Variants in MEF2C observed in about 807,000 individuals in gnomAD.
MEF2C encodes myocyte-specific enhancer factor 2C.
Under a neutral mutation model 50.5 loss-of-function variants are expected in MEF2C, and 6 were observed. That is an observed-to-expected ratio of 0.12 (90% CI 0.07 to 0.23). The LOEUF (loss-of-function observed/expected upper bound fraction) is 0.23. MEF2C is among the 10% of genes least tolerant of loss of function. The probability of loss-of-function intolerance (pLI) is 1.00; values close to 1 mark genes in which losing one functional copy is unlikely to be tolerated. For synonymous variants in MEF2C, 183 were observed against 228.0 expected, an observed-to-expected ratio of 0.80 and a Z score of 1.78; for missense variants, 276 against 605.0, an observed-to-expected ratio of 0.46 and a Z score of 5.70.
intron 1 of MEF2C, among the ~76,000 whole-genome samples, chr5:88,875,912 T>C (rs1302429463): frequency 6.6e-6 from 1 of 151,918 alleles, no homozygotes; most frequent in Non-Finnish European, 1.5e-5. Context: ...TGCCAGTACC[T>C]GCCCTGCATA....
At position 88,749,367 on chromosome 5, in the gene MEF2C, TG is replaced by T. The variant is rs556809140; in HGVS notation, c.590-251del. On this transcript the variant is annotated intron_variant, in intron 5 of 10. Transcript: ENST00000504921. Reference sequence around the variant, plus strand: ...GTTACATTTAAAAAAATCCAGTCTTTGGTCTCTGCATTTTTATTATTTCTAA... The same window carrying T: ...GTTACATTTAAAAAAATCCAGTCTTTGTCTCTGCATTTTTATTATTTCTAA... 1.5e-4 allele frequency: 147 copies of T among 984,878 alleles called. No individual in the cohort carries two copies. The South Asian group carries it at 2.4e-3, about 16-fold the overall frequency. The allele number at this position is 984,878 out of a possible 1,614,324, so 61.0% of individuals were successfully genotyped here. A position where few individuals can be genotyped will look rare whatever the true frequency, so the allele number is the denominator to read the frequency against.
chr5:88,749,626 A>T (rs1337691810), intron 5 of MEF2C: 1 of 381,266 alleles, frequency 2.6e-6, no homozygotes, highest in Admixed American at 6.4e-5. Context: ...CCGGCCACAG[A>T]TTAAGAAACA....
intron 1 of MEF2C, among the ~76,000 whole-genome samples, chr5:88,872,184 T>G (rs1829727513): frequency 6.6e-6 from 1 of 152,024 alleles, no homozygotes; most frequent in Non-Finnish European, 1.5e-5. Flanking sequence ...GAAAAACACC[T>G]AGAACTCTTG....
chr5:88,761,611 A>G (rs758326550), intron 3 of MEF2C: 6 of 314,524 alleles, frequency 1.9e-5, no homozygotes, highest in Admixed American at 1.4e-4. Context: ...TGCTTCAAAT[A>G]TCTAGTGAGA....
At chr5:88,891,393 C>CTTTTTTTTTTTTTTT (rs771799863) in intron 1 of MEF2C, among the ~76,000 whole-genome samples, 1 of 104,888 alleles carries the variant, frequency 9.5e-6, no homozygotes, top group African/African-American at 4.2e-5. Flanking sequence ...ACCAACCAAC[C>CTTTTTTTTTTTTTTT]TTTTTTTTTT....
intron 1 of MEF2C, among the ~76,000 whole-genome samples, chr5:88,873,889 T>G (rs1191982256): frequency 6.6e-6 from 1 of 151,740 alleles, no homozygotes; most frequent in Non-Finnish European, 1.5e-5. Flanking sequence ...ATAGACAAAT[T>G]TGTTAGATTT....
At chr5:88,900,754 G>A (rs1835575504) in intron 1 of MEF2C, among the ~76,000 whole-genome samples, 1 of 151,726 alleles carries the variant, frequency 6.6e-6, no homozygotes, top group Non-Finnish European at 1.5e-5. Flanking sequence ...TAGTTTACTA[G>A]TCAACATGCT....
intron 6 of MEF2C, chr5:88,748,183 T>C (rs1770840068): frequency 1.0e-6 from 1 of 983,756 alleles, no homozygotes; most frequent in Non-Finnish European, 1.2e-6. Flanking sequence ...TTCTTTCTTA[T>C]AATTAGCAGG....
intron 3 of MEF2C, among the ~76,000 whole-genome samples, chr5:88,792,267 T>G (rs1794130068): frequency 6.6e-6 from 1 of 152,142 alleles, no homozygotes; most frequent in Non-Finnish European, 1.5e-5. Flanking sequence ...TTCACCCAGC[T>G]CACACAGTTA....
At chr5:88,734,013 C>T (rs564753730) in intron 6 of MEF2C, 1 of 984,522 alleles carries the variant, frequency 1.0e-6, no homozygotes, top group East Asian at 1.1e-4. Flanking sequence ...AATGCATTTA[C>T]TTCCTCTCAC....
intron 3 of MEF2C, among the ~76,000 whole-genome samples, chr5:88,769,616 AGTTAATCCTATAT>A (rs1781514414): frequency 6.6e-6 from 1 of 152,242 alleles, no homozygotes; most frequent in Non-Finnish European, 1.5e-5. Flanking sequence ...TAGGATATGC[AGTTAATCCTATAT>A]ATCTATATCT....
intron 1 of MEF2C, among the ~76,000 whole-genome samples, chr5:88,864,838 C>A (rs1261839223): frequency 1.3e-5 from 2 of 151,448 alleles, no homozygotes; most frequent in African/African-American, 4.9e-5. Flanking sequence ...GCAATCTCGG[C>A]TCACTCACCG....
chr5:88,831,943 C>T (rs1813229974), intron 1 of MEF2C, among the ~76,000 whole-genome samples: 1 of 152,084 alleles, frequency 6.6e-6, no homozygotes, highest in Admixed American at 6.6e-5. Flanking sequence ...CCCAATTAAA[C>T]CACATGGCTC....
chr5:88,833,336 CATGTATT>C (rs1160489127), intron 1 of MEF2C, among the ~76,000 whole-genome samples: 2 of 152,040 alleles, frequency 1.3e-5, no homozygotes, highest in Non-Finnish European at 2.9e-5. Context: ...AAATATTTCT[CATGTATT>C]ATAGTAATCT....
intron 1 of MEF2C, among the ~76,000 whole-genome samples, chr5:88,870,636 A>G (rs1332257523): frequency 6.6e-6 from 1 of 152,118 alleles, no homozygotes; most frequent in Non-Finnish European, 1.5e-5. Flanking sequence ...TTAGCCTGTC[A>G]ATTTTACATA....
chr5:88,732,057 C>T (rs778188200), intron 6 of MEF2C, among the ~76,000 whole-genome samples, 156 bp from the exon 7 acceptor site: 10 of 152,116 alleles, frequency 6.6e-5, no homozygotes, highest in Admixed American at 2.6e-4. Flanking sequence ...GACAAGTAAC[C>T]CAATTAAGTA....
At chr5:88,878,223 G>A (rs957639087) in intron 1 of MEF2C, among the ~76,000 whole-genome samples, 2 of 151,974 alleles carry the variant, frequency 1.3e-5, no homozygotes, top group Admixed American at 1.3e-4. Flanking sequence ...GCTATAGAAT[G>A]TTTGTGTTAG....
chr5:88,822,890 C>T (rs1400606319), intron 2 of MEF2C, among the ~76,000 whole-genome samples: 2 of 151,952 alleles, frequency 1.3e-5, no homozygotes, highest in African/African-American at 2.4e-5. Flanking sequence ...CCCAGCAGTA[C>T]TATAATTTCT....
At chr5:88,780,493 T>G (rs1010913752) in intron 3 of MEF2C, among the ~76,000 whole-genome samples, 1 of 152,182 alleles carries the variant, frequency 6.6e-6, no homozygotes, top group Non-Finnish European at 1.5e-5. Flanking sequence ...CGATATACAT[T>G]GTGGGTATGT....
Sources: allele counts gnomAD v4.1 joint callset (sites outside exome capture counted in the v4.1 genomes callset), GRCh38; gene constraint gnomAD v4.1.1; transcripts MANE v1.5; gene names NCBI Gene and HGNC (gene_info 2026-07-23, HGNC 2026-07-21).